The following KCP variants were observed in gnomAD, a reference collection of about 807,000 sequenced individuals.
The protein encoded by KCP is kielin/chordin-like protein.
KCP carries 194 observed loss-of-function variants against 212.7 expected under a neutral mutation model. The ratio of observed to expected loss-of-function variants is 0.91; its 90% CI spans 0.81 to 1.03. The LOEUF (loss-of-function observed/expected upper bound fraction) is 1.03. Ranked by LOEUF, KCP falls within the 50% of genes least tolerant of loss-of-function variation. The pLI is 0.00. For synonymous variants in KCP, 833 were observed against 865.3 expected (o/e 0.96, Z 0.65); for missense variants, 2,080 against 2,162.5 (o/e 0.96, Z 0.76).
rs1338719444 is a variant in KCP, at chr7:128,891,528, C to T, written c.1801G>A (p.Ala601Thr). ...TCCPNDCSGCAFGGKEYPSGA... is the reference protein window; with the variant it reads ...TCCPNDCSGCTFGGKEYPSGA... Reference sequence around the variant, plus strand: ...CTGGGGTACTCTTTCCCGCCAAAGGCACAGCCTGGGGGAGGGAGGGGCTAT... The same window carrying T: ...CTGGGGTACTCTTTCCCGCCAAAGGTACAGCCTGGGGGAGGGAGGGGCTAT... Residue 601 changes from alanine to threonine, a missense_variant, in exon 18 of 40, where the codon GCC (alanine) becomes ACC (threonine). By Grantham distance (58) the Ala-to-Thr change is moderately conservative. Coordinates refer to ENST00000610776, the MANE Select transcript of KCP (RefSeq NM_001366122.1). 1 of 1,549,112 alleles carries T rather than the reference C, an allele frequency of 6.5e-7. No homozygotes were observed. Among genetic ancestry groups the T allele is most frequent in the African/African-American group, 1.4e-5 (1 of 73,112 alleles).
intron 37 of KCP, 178 bp from the exon 38 acceptor site, chr7:128,878,900 T>A (rs934365753): frequency 3.3e-6 from 2 of 600,180 alleles, no homozygotes; most frequent in African/African-American, 3.7e-5. Context: ...AGTGGATACA[T>A]TCTGTGCCAG....
chr7:128,903,903 AGGG>A (rs896106017), intron 6 of KCP, 83 bp from the exon 7 acceptor site: 6 of 1,356,512 alleles, frequency 4.4e-6, no homozygotes, highest in Non-Finnish European at 6.2e-6. Context: ...CCCTCGGAGG[AGGG>A]GGGCACAGGG....
At position 128,891,486 on chromosome 7, in the gene KCP, G is replaced by A. The variant is rs968369733; in HGVS notation, c.1843C>T (p.His615Tyr). The change falls in exon 18 of 40, where the codon CAC becomes TAC. Residue 615 changes from histidine to tyrosine, a missense_variant. Physicochemically the swap from His to Tyr is moderately conservative, Grantham distance 83. Coordinates refer to ENST00000610776, the MANE Select transcript of KCP (RefSeq NM_001366122.1). ...CACAGACGGCAGGGGTCAGAGGGGT[G>A]GGGGAAGTCCGCTCCGCTGGGGTAC... is the stretch of plus-strand genomic sequence containing the variant. ...KEYPSGADFP[H>Y]PSDPCRLCRC... 5.8e-6 allele frequency: 9 copies of A among 1,550,188 alleles called. No individual in the cohort carries two copies. The highest frequency in any genetic ancestry group is 1.4e-5 in the African/African-American group (1 of 73,032).
Position 128,889,008 on chromosome 7 carries a change from A to G in KCP, c.2367T>C (p.Ser789=). Residue 789 remains serine (S), a synonymous_variant, in exon 22 of 40, where the codon AGT becomes AGC. Coordinates refer to ENST00000610776, the MANE Select transcript of KCP (RefSeq NM_001366122.1). Reference sequence around the variant, plus strand: ...CTCGGGGGTCTGGGAACTCCTGGTTACTCAGGTAGGACTCCCCCAGGTACT... The same window carrying G: ...CTCGGGGGTCTGGGAACTCCTGGTTGCTCAGGTAGGACTCCCCCAGGTACT... The part of the protein sequence containing the change: ...GCEYLGESYL[S]NQEFPDPREP... 6.5e-7 allele frequency: 1 copy of G among 1,530,464 alleles called. No homozygotes were observed. The highest frequency in any genetic ancestry group is 8.8e-7 in the Non-Finnish European group (1 of 1,135,238). 94.8% of individuals were successfully genotyped at this position (1,530,464 alleles called of 1,614,324 possible).
intron 22 of KCP, among the ~76,000 whole-genome samples, chr7:128,888,079 GAC>G (rs1028346647): frequency 2.1e-4 from 20 of 94,548 alleles, no homozygotes; most frequent in South Asian, 1.3e-3. Flanking sequence ...CACAAATACA[GAC>G]ACACACACAC....
intron 34 of KCP, 42 bp from the exon 35 acceptor site, chr7:128,880,127 C>T (rs568879378): frequency 2.4e-5 from 36 of 1,481,210 alleles, no homozygotes; most frequent in South Asian, 1.6e-4. Flanking sequence ...CCGCCCTCCC[C>T]GCCATGCCTC....
At chr7:128,906,199 GACTC>G (rs1795109952) in intron 5 of KCP, 76 bp downstream of exon 5, 1 of 1,224,802 alleles carries the variant, frequency 8.2e-7, no homozygotes, top group East Asian at 2.5e-5. Flanking sequence ...GCATGTCCCA[GACTC>G]ACTGAGGTGG....
chr7:128,900,159 A>C (rs1794766119), intron 8 of KCP, among the ~76,000 whole-genome samples: 1 of 152,208 alleles, frequency 6.6e-6, no homozygotes. Context: ...AGCTTATATA[A>C]AAAATAATCA....
chr7:128,899,886 G>A (rs1794750434), intron 8 of KCP, among the ~76,000 whole-genome samples: 5 of 152,150 alleles, frequency 3.3e-5, no homozygotes, highest in South Asian at 2.1e-4. Flanking sequence ...TTGACTTGTA[G>A]AGCCAATAAA....
chr7:128,882,041 C>A (rs769027384), intron 29 of KCP, 25 bp from the exon 30 acceptor site: 13 of 1,530,868 alleles, frequency 8.5e-6, no homozygotes, highest in South Asian at 1.2e-5. Context: ...ATCCAGAGTG[C>A]GGGACAGAAA....
At chr7:128,886,336 G>A in intron 26 of KCP, 128 bp downstream of exon 26, 1 of 713,864 alleles carries the variant, frequency 1.4e-6, no homozygotes, top group Non-Finnish European at 2.3e-6. Flanking sequence ...TGGCAAGGGT[G>A]TATGCAAGGG....
At chr7:128,879,406 T>A (rs777468522) in intron 37 of KCP, 116 bp downstream of exon 37, 13 of 822,162 alleles carry the variant, frequency 1.6e-5, no homozygotes, top group Admixed American at 1.4e-4. Context: ...ACCCCACTCC[T>A]TGCCTTTTTT....
chr7:128,884,952 C>G lies in KCP; in HGVS notation c.3041-89G>C, dbSNP rs1337806757. 2.7e-6 allele frequency: 4 copies of G among 1,492,496 alleles called. No individual in the cohort carries two copies. The Admixed American group carries it at 7.9e-5, about 29-fold the overall frequency. 92.5% of individuals were successfully genotyped at this position (1,492,496 alleles called of 1,614,324 possible). The stretch of plus-strand genomic sequence containing the variant: ...TGGAGTCCTCTATCTCCAGCCTCCC[C>G]CTGATCCCAGGGAGTGGAGTGTGCA... On this transcript the variant is annotated intron_variant, in intron 27 of 39. Coordinates refer to ENST00000610776, the MANE Select transcript of KCP (RefSeq NM_001366122.1).
At chr7:128,894,401 TTG>T in intron 8 of KCP, 108 bp from the exon 9 acceptor site, 1 of 853,102 alleles carries the variant, frequency 1.2e-6, no homozygotes, top group South Asian at 2.0e-5. Context: ...ATGGGTTGAA[TTG>T]TGTGTCCCCG....
chr7:128,893,425 T>G lies in KCP; in HGVS notation c.1151A>C (p.Gln384Pro), dbSNP rs1316534074. Residue 384 changes from glutamine to proline, a missense_variant, in exon 12 of 40, where the codon CAA (glutamine) becomes CCA (proline). By Grantham distance (76) the Gln-to-Pro change is moderately conservative. Transcript: ENST00000610776. The stretch of plus-strand genomic sequence containing the variant: ...GCAGCGGACACAGAGGCCCCGCTCT[T>G]GGAGTCTGAAGGTCTCCTGGCTCTG... Reference protein sequence around the residue: ...QYQSQETFRLQERGLCVRCSC... With the variant: ...QYQSQETFRLPERGLCVRCSC... 1.3e-6 allele frequency: 2 copies of G among 1,551,644 alleles called. No individual in the cohort carries two copies. Among genetic ancestry groups the G allele is most frequent in the South Asian group, 2.4e-5 (2 of 84,066 alleles).
chr7:128,902,685 A>G (rs1794918436), intron 8 of KCP, 92 bp downstream of exon 8: 9 of 1,201,538 alleles, frequency 7.5e-6, no homozygotes, highest in Non-Finnish European at 1.1e-5. Flanking sequence ...CCCTCTCAAC[A>G]CCTCTGCGAA....
chr7:128,897,308 G>A (rs963804645), intron 8 of KCP, among the ~76,000 whole-genome samples: 8 of 152,156 alleles, frequency 5.3e-5, no homozygotes, highest in Admixed American at 3.3e-4. Context: ...ACTGGATAAG[G>A]TTTCCCTTGT....
At chr7:128,899,140 A>G (rs546592252) in intron 8 of KCP, among the ~76,000 whole-genome samples, 76 of 152,068 alleles carry the variant, frequency 5.0e-4, no homozygotes, top group African/African-American at 1.8e-3. Context: ...ATTTGTATAA[A>G]TGTGTTACTG....
chr7:128,880,720 C>G lies in KCP; in HGVS notation c.3515G>C (p.Arg1172Pro). 2.3e-6 allele frequency: 1 copy of G among 432,032 alleles called. No individual in the cohort carries two copies. Among genetic ancestry groups the G allele is most frequent in the Non-Finnish European group, 4.1e-6 (1 of 245,840 alleles). 26.8% of individuals were successfully genotyped at this position (432,032 alleles called of 1,614,324 possible). A position where few individuals can be genotyped will look rare whatever the true frequency, so the allele number is the denominator to read the frequency against. The change falls in exon 33 of 40, where the codon CGG (arginine) becomes CCG (proline). Residue 1172 changes from arginine (R) to proline (P), a missense_variant and splice_region_variant. Arg to Pro is a moderately radical substitution (Grantham distance 103). Coordinates refer to ENST00000610776, the MANE Select transcript of KCP (RefSeq NM_001366122.1). ...SNACIACTCH[R>P]GHVECHLEEC... Reference sequence around the variant, plus strand: ...CTCGAGGTGGCACTCCACATGGCCCCGCTGAGGACAGACATCATTGTTCTG... The same window carrying G: ...CTCGAGGTGGCACTCCACATGGCCCGGCTGAGGACAGACATCATTGTTCTG...
Sources: allele counts gnomAD v4.1 joint callset (sites outside exome capture counted in the v4.1 genomes callset), GRCh38; gene constraint gnomAD v4.1.1; transcripts MANE v1.5; gene names NCBI Gene and HGNC (gene_info 2026-07-23, HGNC 2026-07-21).